Variants in LUZP2 observed in about 807,000 individuals in gnomAD.
The protein encoded by LUZP2 is leucine zipper protein 2.
A neutral mutation model predicts 51.6 loss-of-function variants in LUZP2; 52 were observed. The observed-to-expected ratio is 1.01, with a 90% CI of 0.81 to 1.27. LUZP2 has a LOEUF of 1.27. LUZP2 is among the 50% of genes most tolerant of loss of function. LUZP2 has a pLI of 0.00. For missense variants in LUZP2, 436 were observed against 395.4 expected, an observed-to-expected ratio of 1.10 and a Z score of -0.87; for synonymous variants, 154 against 137.3, an observed-to-expected ratio of 1.12 and a Z score of -0.85.
chr11:25,060,571 T>C (rs1466985197), intron 10 of LUZP2, among the ~76,000 whole-genome samples: 1 of 152,220 alleles, frequency 6.6e-6, no homozygotes, highest in Admixed American at 6.5e-5. Flanking sequence ...ACCTTTATTA[T>C]CTCATTTCAC....
chr11:24,644,208 T>C (rs1245009549), intron 1 of LUZP2, among the ~76,000 whole-genome samples: 1 of 152,182 alleles, frequency 6.6e-6, no homozygotes, highest in Non-Finnish European at 1.5e-5. Flanking sequence ...CTCATTATCC[T>C]GTTTGGATGG....
At chr11:24,672,955 A>G (rs73434997) in intron 1 of LUZP2, among the ~76,000 whole-genome samples, 1 of 152,144 alleles carries the variant, frequency 6.6e-6, no homozygotes, top group Non-Finnish European at 1.5e-5. Context: ...CCGTGGCATT[A>G]GATACTCATA....
intron 1 of LUZP2, among the ~76,000 whole-genome samples, chr11:24,604,727 A>G (rs1257566416): frequency 6.6e-6 from 1 of 151,766 alleles, no homozygotes; most frequent in African/African-American, 2.4e-5. Context: ...TGAAGCGAAC[A>G]AGGAGTAACC....
At chr11:24,658,805 C>T (rs1236577882) in intron 1 of LUZP2, among the ~76,000 whole-genome samples, 2 of 152,120 alleles carry the variant, frequency 1.3e-5, no homozygotes, top group African/African-American at 4.8e-5. Context: ...ATGCAGCAAA[C>T]AGACACATGA....
intron 1 of LUZP2, among the ~76,000 whole-genome samples, chr11:24,504,319 A>G (rs1850087618): frequency 6.6e-6 from 1 of 152,176 alleles, no homozygotes; most frequent in South Asian, 2.1e-4. Context: ...CTTTAATATA[A>G]GGTTACATTA....
At chr11:24,758,820 A>T (rs965283409) in intron 4 of LUZP2, among the ~76,000 whole-genome samples, 1 of 152,032 alleles carries the variant, frequency 6.6e-6, no homozygotes, top group African/African-American at 2.4e-5. Context: ...GCAAATGCTC[A>T]CATTTGGTAA....
At chr11:24,500,485 C>G (rs992213123) in intron 1 of LUZP2, among the ~76,000 whole-genome samples, 1 of 152,004 alleles carries the variant, frequency 6.6e-6, no homozygotes, top group Non-Finnish European at 1.5e-5. Context: ...AATTGCTATT[C>G]CAAGGTAGGC....
chr11:24,710,944 G>C (rs574929631), intron 1 of LUZP2, among the ~76,000 whole-genome samples: 20 of 140,826 alleles, frequency 1.4e-4, no homozygotes, highest in African/African-American at 4.6e-4. Context: ...AGGGAGGAAG[G>C]AAGGAAAGGA....
At chr11:24,844,099 A>T (rs1979544) in intron 5 of LUZP2, among the ~76,000 whole-genome samples, 3 of 152,156 alleles carry the variant, frequency 2.0e-5, no homozygotes, top group African/African-American at 4.8e-5. Flanking sequence ...CAAAGGTTGG[A>T]ACAGTTTGGA....
rs558204832 is a variant in LUZP2 at position 24,555,334 on chromosome 11, G to T, written c.62+58029G>T. On this transcript the variant is annotated intron_variant, in intron 1 of 11. Transcript: ENST00000336930. ...AATGATGACATAAAACACTTAAAGG[G>T]TTATCATGGAGTAAATCCTCAATAA... 1.7e-4 allele frequency among the ~76,000 whole-genome samples: 26 copies of T among 152,208 alleles called. No homozygotes were observed. In the South Asian group the frequency reaches 4.4e-3, roughly 25 times the overall value.
chr11:24,790,823 T>C (rs944790342), intron 5 of LUZP2, among the ~76,000 whole-genome samples: 6 of 152,136 alleles, frequency 3.9e-5, no homozygotes, highest in Non-Finnish European at 7.4e-5. Flanking sequence ...TCATTGTCTT[T>C]GTTAGATATT....
chr11:24,721,368 C>G (rs985536907), intron 1 of LUZP2, among the ~76,000 whole-genome samples: 5 of 152,002 alleles, frequency 3.3e-5, no homozygotes, highest in Non-Finnish European at 7.4e-5. Context: ...ATATTTACTA[C>G]AAAAATTCAA....
intron 1 of LUZP2, among the ~76,000 whole-genome samples, chr11:24,625,440 T>C (rs1202581345): frequency 6.6e-6 from 1 of 151,706 alleles, no homozygotes; most frequent in Non-Finnish European, 1.5e-5. Flanking sequence ...CTATATAAGG[T>C]GAAAAATATG....
chr11:24,871,730 G>T (rs1852081634), intron 5 of LUZP2, among the ~76,000 whole-genome samples: 1 of 151,120 alleles, frequency 6.6e-6, no homozygotes. Flanking sequence ...ATAAACTACA[G>T]TAAAAAAAAA....
intron 2 of LUZP2, 140 bp from the exon 3 acceptor site, chr11:24,731,978 C>T (rs768625868): frequency 1.2e-4 from 64 of 555,530 alleles, no homozygotes; most frequent in Middle Eastern, 4.7e-4. Flanking sequence ...TCCTTGGAGC[C>T]GTGAGGACCA....
chr11:24,943,695 T>G (rs1854821509), intron 7 of LUZP2, among the ~76,000 whole-genome samples: 1 of 151,916 alleles, frequency 6.6e-6, no homozygotes, highest in African/African-American at 2.4e-5. Flanking sequence ...CTGGCCAACA[T>G]GGTGAAACCT....
At chr11:24,978,060 A>AAT (rs1365763875) in intron 8 of LUZP2, among the ~76,000 whole-genome samples, 23 of 151,622 alleles carry the variant, frequency 1.5e-4, no homozygotes, top group Admixed American at 1.1e-3. Flanking sequence ...TACATTTAGC[A>AAT]ATTTTGTAAG....
chr11:24,821,837 T>C (rs1405214049), intron 5 of LUZP2, among the ~76,000 whole-genome samples: 1 of 151,446 alleles, frequency 6.6e-6, no homozygotes, highest in Non-Finnish European at 1.5e-5. Flanking sequence ...CAAACCTTTT[T>C]CACTGGATGA....
At chr11:24,503,025 AC>A (rs1292680773) in intron 1 of LUZP2, among the ~76,000 whole-genome samples, 1 of 152,130 alleles carries the variant, frequency 6.6e-6, no homozygotes. Context: ...GATAGTATTG[AC>A]ATTTTTTTTT....
Sources: gnomAD v4.1 joint callset for allele counts (sites outside exome capture counted in the v4.1 genomes callset) on GRCh38, gnomAD v4.1.1 for gene constraint, MANE v1.5 for transcripts, NCBI Gene and HGNC (gene_info 2026-07-23, HGNC 2026-07-21) for gene names.